Variants in NOS1AP observed in about 807,000 individuals in gnomAD.
The protein encoded by NOS1AP is nitric oxide synthase 1 adaptor protein.
In NOS1AP, 21 loss-of-function variants were observed where a neutral mutation model predicts 56.2. That is an observed-to-expected ratio of 0.37 (90% confidence interval 0.26 to 0.54). The LOEUF is 0.54. Among genes scored for constraint, NOS1AP ranks in the 20% least tolerant of loss-of-function variants. The pLI is 0.84. For synonymous variants in NOS1AP, 270 were observed against 274.6 expected, an observed-to-expected ratio of 0.98 and a Z score of 0.17; for missense variants, 522 against 657.8, an observed-to-expected ratio of 0.79 and a Z score of 2.26.
intron 4 of NOS1AP, among the ~76,000 whole-genome samples, chr1:162,332,045 T>G (rs1482045309): frequency 6.6e-6 from 1 of 152,208 alleles, no homozygotes; most frequent in Non-Finnish European, 1.5e-5. Flanking sequence ...CTTCAAAGCC[T>G]TCTACATTTT....
chr1:162,191,331 T>G (rs568567255), intron 2 of NOS1AP, among the ~76,000 whole-genome samples: 6 of 152,316 alleles, frequency 3.9e-5, no homozygotes, highest in African/African-American at 1.2e-4. Context: ...GTAGGGTTTC[T>G]TCCTAGCTTG....
At chr1:162,240,945 G>A (rs1653471653) in intron 2 of NOS1AP, among the ~76,000 whole-genome samples, 2 of 152,194 alleles carry the variant, frequency 1.3e-5, no homozygotes, top group African/African-American at 4.8e-5. Flanking sequence ...AGGGCAGTGT[G>A]CAGTTATGTG....
chr1:162,212,680 G>C (rs1385968783), intron 2 of NOS1AP, among the ~76,000 whole-genome samples: 2 of 152,196 alleles, frequency 1.3e-5, no homozygotes, highest in African/African-American at 4.8e-5. Context: ...CCTGCCCCAT[G>C]ATCAGTCTAG....
intron 8 of NOS1AP, among the ~76,000 whole-genome samples, chr1:162,359,125 T>C (rs1330136757): frequency 2.0e-5 from 3 of 152,140 alleles, no homozygotes; most frequent in Non-Finnish European, 2.9e-5. Context: ...TATTAGAGAT[T>C]TGCTTCATGA....
chr1:162,254,396 TTACCAC>T (rs1203496911), intron 2 of NOS1AP, among the ~76,000 whole-genome samples: 1 of 152,164 alleles, frequency 6.6e-6, no homozygotes, highest in Non-Finnish European at 1.5e-5. Flanking sequence ...AACGTGAGTG[TTACCAC>T]TGTCCCATGT....
chr1:162,251,602 A>ATGTGTGTG (rs35955567), intron 2 of NOS1AP, among the ~76,000 whole-genome samples: 35 of 146,192 alleles, frequency 2.4e-4, no homozygotes, highest in East Asian at 1.4e-3. Flanking sequence ...AAATATATAT[A>ATGTGTGTG]TGTGTGTGTG....
intron 5 of NOS1AP, among the ~76,000 whole-genome samples, chr1:162,340,110 CTTGA>C (rs1255410410): frequency 6.6e-6 from 1 of 152,140 alleles, no homozygotes; most frequent in Non-Finnish European, 1.5e-5. Context: ...GTTAGAGTAG[CTTGA>C]TTATGTGTTC....
At position 162,300,564 on chromosome 1, in the gene NOS1AP, T is replaced by A; in HGVS notation, c.271-69T>A. On this transcript the variant is annotated intron_variant, in intron 3 of 9. Coordinates refer to ENST00000361897, the MANE Select transcript of NOS1AP (RefSeq NM_014697.3). ...CAGGAGCAAAATGCATGTGTTTGCATAAGTATGCATAGCTCAGTGTGTGCC... is the reference window on the plus strand; with the variant it reads ...CAGGAGCAAAATGCATGTGTTTGCAAAAGTATGCATAGCTCAGTGTGTGCC... 1.5e-6 allele frequency: 2 copies of A among 1,353,458 alleles called. 1 individual carries two copies. The highest frequency in any genetic ancestry group is 2.3e-5 in the South Asian group (2 of 85,656). 83.8% of individuals were successfully genotyped at this position (1,353,458 alleles called of 1,614,324 possible).
At chr1:162,150,433 G>A (rs1649660581) in intron 1 of NOS1AP, among the ~76,000 whole-genome samples, 1 of 152,160 alleles carries the variant, frequency 6.6e-6, no homozygotes. Context: ...ATCTGGGAGT[G>A]CAGATATCTC....
chr1:162,205,400 C>T (rs1320162751), intron 2 of NOS1AP, among the ~76,000 whole-genome samples: 1 of 152,198 alleles, frequency 6.6e-6, no homozygotes, highest in Non-Finnish European at 1.5e-5. Context: ...CAAGACAAAG[C>T]ATTAAACATG....
At chr1:162,341,635 A>G (rs1023480363) in intron 5 of NOS1AP, among the ~76,000 whole-genome samples, 5 of 152,226 alleles carry the variant, frequency 3.3e-5, no homozygotes, top group South Asian at 2.1e-4. Context: ...GGACAGTGGT[A>G]GGCAGAATAA....
intron 2 of NOS1AP, among the ~76,000 whole-genome samples, chr1:162,200,362 C>T (rs923420915): frequency 6.6e-6 from 1 of 152,222 alleles, no homozygotes; most frequent in Non-Finnish European, 1.5e-5. Flanking sequence ...TAAAGCATCT[C>T]TCTTCACTTC....
chr1:162,295,581 T>A (rs1347724902), intron 3 of NOS1AP, among the ~76,000 whole-genome samples: 1 of 152,130 alleles, frequency 6.6e-6, no homozygotes, highest in Admixed American at 6.5e-5. Flanking sequence ...GAGGAGCTGG[T>A]TTGTTTGTGT....
chr1:162,332,471 G>A (rs558148179), intron 4 of NOS1AP, among the ~76,000 whole-genome samples: 1 of 152,250 alleles, frequency 6.6e-6, no homozygotes, highest in African/African-American at 2.4e-5. Flanking sequence ...TGCACTCAGT[G>A]GCATTGGTTG....
intron 6 of NOS1AP, among the ~76,000 whole-genome samples, chr1:162,346,166 C>T (rs1436622984): frequency 2.0e-5 from 3 of 152,132 alleles, no homozygotes; most frequent in African/African-American, 7.2e-5. Context: ...CCCCAAATTT[C>T]CTTCAAATTC....
chr1:162,206,644 A>G (rs1026011320), intron 2 of NOS1AP, among the ~76,000 whole-genome samples: 1 of 152,224 alleles, frequency 6.6e-6, no homozygotes, highest in African/African-American at 2.4e-5. Context: ...TTTTGTTAAT[A>G]TACAAGTAGG....
intron 2 of NOS1AP, among the ~76,000 whole-genome samples, chr1:162,236,705 C>T (rs1314896337): frequency 6.6e-6 from 1 of 152,194 alleles, no homozygotes; most frequent in Non-Finnish European, 1.5e-5. Context: ...CTGCATTCCT[C>T]AATTTGCCTT....
intron 1 of NOS1AP, among the ~76,000 whole-genome samples, chr1:162,131,145 C>T (rs970365048): frequency 8.6e-5 from 13 of 151,956 alleles, no homozygotes; most frequent in African/African-American, 2.7e-4. Flanking sequence ...TATATTTGAT[C>T]GAATGTTTGA....
intron 2 of NOS1AP, among the ~76,000 whole-genome samples, chr1:162,165,919 T>C (rs60129427): frequency 0.017 from 2,583 of 152,316 alleles, 85 homozygotes; most frequent in African/African-American, 0.059. Context: ...GAAGTTATCA[T>C]TTCTGCAGTC....
Sources: allele counts gnomAD v4.1 joint callset (sites outside exome capture counted in the v4.1 genomes callset), GRCh38; gene constraint gnomAD v4.1.1; transcripts MANE v1.5; gene names NCBI Gene and HGNC (gene_info 2026-07-23, HGNC 2026-07-21).